Variants in EDNRB observed in about 807,000 individuals in gnomAD.
EDNRB encodes the protein Hirschsprung disease 2.
In EDNRB, 18 loss-of-function variants were observed where a neutral mutation model predicts 46.4. The observed-to-expected ratio is 0.39, with a 90% CI of 0.27 to 0.57. The LOEUF is 0.57. EDNRB is among the 20% of genes least tolerant of loss of function. The pLI is 0.61. For synonymous variants in EDNRB, 213 were observed against 204.9 expected, an observed-to-expected ratio of 1.04 and a Z score of -0.34; for missense variants, 434 against 537.5, an observed-to-expected ratio of 0.81 and a Z score of 1.90.
intron 1 of EDNRB, among the ~76,000 whole-genome samples, chr13:77,931,744 C>CAAAAAAAAAAAAAAATAAAAAAA (rs1880408896): frequency 2.4e-5 from 2 of 83,450 alleles, no homozygotes; most frequent in African/African-American, 4.7e-5. Flanking sequence ...ACTGTAGTAG[C>CAAAAAAAAAAAAAAATAAAAAAA]AAAAAAAAAA....
At chr13:77,911,478 C>T (rs1566312621) in intron 1 of EDNRB, among the ~76,000 whole-genome samples, 1 of 151,970 alleles carries the variant, frequency 6.6e-6, no homozygotes, top group South Asian at 2.1e-4. Flanking sequence ...GATAGTTTTC[C>T]TCCTTTCTGG....
Position 77,909,054 on chromosome 13 carries a change from T to C in EDNRB, c.484-5447A>G, listed in dbSNP as rs184695780. ...ATAGCCTATGTTTGTGCTGACCCATTTTACCCTAAGGCTTATACTGCTTCT... is the reference window on the plus strand; with the variant it reads ...ATAGCCTATGTTTGTGCTGACCCATCTTACCCTAAGGCTTATACTGCTTCT... On this transcript the variant is annotated intron_variant, in intron 1 of 6. Coordinates refer to ENST00000646607, the MANE Select transcript of EDNRB (RefSeq NM_001122659.3). Among the ~76,000 whole-genome samples the C allele has an allele frequency of 3.9e-5, 6 of 152,070 alleles. No individual in the cohort carries two copies. In the East Asian group the frequency reaches 1.2e-3, roughly 30 times the overall value.
intron 1 of EDNRB, among the ~76,000 whole-genome samples, chr13:77,963,158 A>G (rs752045333): frequency 2.9e-4 from 44 of 152,202 alleles, no homozygotes; most frequent in Admixed American, 5.9e-4. Context: ...ATGCTCATGG[A>G]TAAGAATAAT....
intron 1 of EDNRB, among the ~76,000 whole-genome samples, chr13:77,938,641 C>T (rs1880640670): frequency 6.6e-6 from 1 of 152,152 alleles, no homozygotes. Flanking sequence ...AGGCTGCCTT[C>T]CCAAGTCCAT....
At chr13:77,944,096 C>A (rs541480744) in intron 1 of EDNRB, among the ~76,000 whole-genome samples, 1 of 152,044 alleles carries the variant, frequency 6.6e-6, no homozygotes, top group South Asian at 2.1e-4. Context: ...GGACAAATTG[C>A]AAAGTAAAAT....
chr13:77,915,932 G>A (rs3027139), intron 1 of EDNRB, among the ~76,000 whole-genome samples: 2,464 of 152,278 alleles, frequency 0.016, 44 homozygotes, highest in East Asian at 0.064. Context: ...GAAATGAAAG[G>A]GAAACTGTAT....
intron 4 of EDNRB, 115 bp from the exon 5 acceptor site, chr13:77,900,769 C>T: frequency 2.8e-6 from 4 of 1,443,714 alleles, no homozygotes; most frequent in Non-Finnish European, 2.9e-6. Flanking sequence ...TATGTAAAAA[C>T]TCAGGACACT....
chr13:77,960,234 A>T (rs993345783), intron 1 of EDNRB, among the ~76,000 whole-genome samples: 2 of 152,158 alleles, frequency 1.3e-5, no homozygotes, highest in Non-Finnish European at 2.9e-5. Flanking sequence ...ACACATAATT[A>T]TCAGATTCAC....
At chr13:77,917,786 G>A (rs1172374474) in intron 1 of EDNRB, among the ~76,000 whole-genome samples, 1 of 152,170 alleles carries the variant, frequency 6.6e-6, no homozygotes, top group African/African-American at 2.4e-5. Context: ...GGTGAGGCCA[G>A]AAAAATCTTC....
intron 1 of EDNRB, among the ~76,000 whole-genome samples, chr13:77,960,710 G>T (rs1406918641): frequency 6.6e-6 from 1 of 152,062 alleles, no homozygotes; most frequent in Non-Finnish European, 1.5e-5. Flanking sequence ...AATGTAAATG[G>T]GCTAAATTCT....
upstream of EDNRB, among the ~76,000 whole-genome samples, chr13:77,921,127 G>T (rs150643284): frequency 6.6e-6 from 1 of 152,256 alleles, no homozygotes; most frequent in South Asian, 2.1e-4. Context: ...TATTGATTTC[G>T]TGTGACTTAA....
intron 1 of EDNRB, among the ~76,000 whole-genome samples, chr13:77,963,481 C>CT (rs1881486892): frequency 6.6e-6 from 1 of 152,142 alleles, no homozygotes; most frequent in Admixed American, 6.6e-5. Flanking sequence ...CTACAACAAT[C>CT]TGATCTTTGA....
At chr13:77,926,909 G>A (rs1880254723) in intron 1 of EDNRB, among the ~76,000 whole-genome samples, 1 of 152,194 alleles carries the variant, frequency 6.6e-6, no homozygotes, top group African/African-American at 2.4e-5. Context: ...GTGGCAGCAA[G>A]AGAAAATGAG....
At chr13:77,919,569 CG>C (rs764158610), upstream of EDNRB, 6 of 1,612,040 alleles carry the variant, frequency 3.7e-6, no homozygotes, top group African/African-American at 8.0e-5. Flanking sequence ...TAGCCTCCAC[CG>C]TTTGCTCGGG....
At chr13:77,945,178 A>T (rs1029026212) in intron 1 of EDNRB, among the ~76,000 whole-genome samples, 1 of 152,230 alleles carries the variant, frequency 6.6e-6, no homozygotes, top group African/African-American at 2.4e-5. Flanking sequence ...GTACATGTGT[A>T]CATTTTATGT....
intron 1 of EDNRB, among the ~76,000 whole-genome samples, chr13:77,941,492 C>G (rs1344654881): frequency 6.6e-6 from 1 of 152,206 alleles, no homozygotes; most frequent in African/African-American, 2.4e-5. Context: ...CCAGATTCTT[C>G]TAGTGATTTA....
chr13:77,955,412 T>C (rs1594395303), intron 1 of EDNRB, among the ~76,000 whole-genome samples: 1 of 152,170 alleles, frequency 6.6e-6, no homozygotes. Flanking sequence ...GTTCTTCCAT[T>C]CTGTTGGTTC....
chr13:77,908,805 T>C lies in EDNRB; in HGVS notation c.484-5198A>G, dbSNP rs73548622. Among the ~76,000 whole-genome samples, 398 of 152,082 alleles carry C rather than the reference T, an allele frequency of 2.6e-3. 5 individuals are homozygous for C. The highest frequency in any genetic ancestry group is 9.3e-3 in the African/African-American group (386 of 41,546). On this transcript the variant is annotated intron_variant, in intron 1 of 6. Transcript: ENST00000646607. Reference sequence around the variant, plus strand: ...TGTCTCTCTGATCGCAAAAAGGGTGTTTAGAGTTTAATATTGACACTATGT... The same window carrying C: ...TGTCTCTCTGATCGCAAAAAGGGTGCTTAGAGTTTAATATTGACACTATGT...
At position 77,943,633 on chromosome 13, in the gene EDNRB, C is replaced by T. The variant is rs185451762; in HGVS notation, c.-51-25009G>A. The stretch of plus-strand genomic sequence containing the variant: ...ATGGTTTTATATGTTTTTATGTCAT[C>T]CTCATTTCAGCCTTTAGCATTCTTG... On this transcript the variant is annotated intron_variant, in intron 1 of 7. Transcript: ENST00000646948. Among the ~76,000 whole-genome samples, 82 of 152,118 alleles carry T rather than the reference C, an allele frequency of 5.4e-4. 1 individual carries two copies. The East Asian group carries it at 0.013, about 23-fold the overall frequency.
Sources: allele counts gnomAD v4.1 joint callset (sites outside exome capture counted in the v4.1 genomes callset), GRCh38; gene constraint gnomAD v4.1.1; transcripts MANE v1.5; gene names NCBI Gene and HGNC (gene_info 2026-07-23, HGNC 2026-07-21).